Variants in LRRC1 observed in about 807,000 individuals in gnomAD.
The protein encoded by LRRC1 is leucine rich repeat containing 1, also known as leucine-rich repeat-containing protein 1.
Under a neutral mutation model 69.9 loss-of-function variants are expected in LRRC1, and 28 were observed. The ratio of observed to expected loss-of-function variants is 0.40; its 90% CI spans 0.30 to 0.55. The LOEUF is 0.55. LRRC1 is among the 20% of genes least tolerant of loss of function. The pLI is 0.47. For synonymous variants in LRRC1, 236 were observed against 240.2 expected (o/e 0.98, Z 0.16); for missense variants, 498 against 609.0 (o/e 0.82, Z 1.92).
At chr6:53,815,995 C>G (rs944357390) in intron 1 of LRRC1, among the ~76,000 whole-genome samples, 2 of 152,126 alleles carry the variant, frequency 1.3e-5, no homozygotes, top group Non-Finnish European at 2.9e-5. Context: ...TTCATCTCTG[C>G]TTTGTAACTT....
At chr6:53,798,617 GA>G (rs1764372702) in intron 1 of LRRC1, among the ~76,000 whole-genome samples, 2 of 152,192 alleles carry the variant, frequency 1.3e-5, no homozygotes, top group African/African-American at 4.8e-5. Flanking sequence ...CTGACCTCAT[GA>G]CCCACCCGCC....
chr6:53,805,721 T>C (rs1764618414), intron 1 of LRRC1, among the ~76,000 whole-genome samples: 1 of 152,230 alleles, frequency 6.6e-6, no homozygotes, highest in Admixed American at 6.5e-5. Context: ...GGAGATAGAA[T>C]GTACCCACTA....
rs114617063 is a variant in LRRC1 at position 53,915,959 on chromosome 6, G to T, written c.1106+1990G>T. Among the ~76,000 whole-genome samples the T allele has an allele frequency of 3.5e-3, 538 of 152,150 alleles. 3 individuals carry two copies. The highest frequency in any genetic ancestry group is 0.013 in the African/African-American group (520 of 41,516). ...ATCATTAAATACAATAGAAGCTTCCGCCTCTTCTTTCAAGTATATGAAAAT... is the reference window on the plus strand; with the variant it reads ...ATCATTAAATACAATAGAAGCTTCCTCCTCTTCTTTCAAGTATATGAAAAT... On this transcript the variant is annotated intron_variant, in intron 11 of 13. Transcript: ENST00000370888.
chr6:53,821,104 C>T (rs927136708), intron 1 of LRRC1, among the ~76,000 whole-genome samples: 3 of 152,144 alleles, frequency 2.0e-5, no homozygotes, highest in African/African-American at 7.2e-5. Context: ...TTATTTTTTT[C>T]CTTTCCTTTA....
chr6:53,872,116 A>G (rs770726225), intron 2 of LRRC1, among the ~76,000 whole-genome samples: 1 of 151,996 alleles, frequency 6.6e-6, no homozygotes, highest in Non-Finnish European at 1.5e-5. Flanking sequence ...TTTTGAGTCA[A>G]TTTTTATATA....
chr6:53,821,680 A>T (rs746491817), intron 1 of LRRC1, among the ~76,000 whole-genome samples: 3 of 151,932 alleles, frequency 2.0e-5, no homozygotes, highest in Non-Finnish European at 4.4e-5. Flanking sequence ...CTCTTAATAC[A>T]TTTTCTCTTG....
chr6:53,852,359 A>G (rs1464822106), intron 2 of LRRC1, among the ~76,000 whole-genome samples: 2 of 152,212 alleles, frequency 1.3e-5, no homozygotes, highest in African/African-American at 4.8e-5. Context: ...TCCAAGTAAG[A>G]ATACAGGGTG....
intron 13 of LRRC1, among the ~76,000 whole-genome samples, chr6:53,922,256 A>G (rs752166703): frequency 2.0e-5 from 3 of 152,110 alleles, no homozygotes; most frequent in Non-Finnish European, 2.9e-5. Flanking sequence ...AGTGACTTTA[A>G]TTTAGGATTT....
intron 1 of LRRC1, among the ~76,000 whole-genome samples, chr6:53,819,660 C>G (rs1263276907): frequency 2.0e-5 from 3 of 152,120 alleles, no homozygotes; most frequent in African/African-American, 7.2e-5. Flanking sequence ...TGCCGCCATC[C>G]TGTCCATTCA....
At position 53,840,884 on chromosome 6, in the gene LRRC1, T is replaced by G. The variant is rs9474666; in HGVS notation, c.160-1226T>G. On this transcript the variant is annotated intron_variant, in intron 1 of 13. Transcript: ENST00000370888. ...TCCTCTGGGGTGGGGGGGTATGTGT[T>G]TGTGTGTGTGTGTGTGTGTGTGTGT... Among the ~76,000 whole-genome samples, 44 of 125,294 alleles carry G rather than the reference T, an allele frequency of 3.5e-4. No individual in the cohort carries two copies. The South Asian group carries it at 6.0e-3, about 17-fold the overall frequency. 82.2% of individuals were successfully genotyped at this position (125,294 alleles called of 152,430 possible).
At chr6:53,807,163 C>T (rs1246812655) in intron 1 of LRRC1, among the ~76,000 whole-genome samples, 1 of 152,156 alleles carries the variant, frequency 6.6e-6, no homozygotes, top group African/African-American at 2.4e-5. Flanking sequence ...TCTCTAGTCT[C>T]CTCCTGAATA....
At position 53,858,847 on chromosome 6, in the gene LRRC1, A is replaced by G. The variant is rs551480313; in HGVS notation, c.277+16620A>G. ...GAAACTGGTAGATGACTGGCAGAGA[A>G]TAAATCAGAGATGATGGGTGTAGCA... is the stretch of plus-strand genomic sequence containing the variant. On this transcript the variant is annotated intron_variant, in intron 2 of 13. Coordinates refer to ENST00000370888, the MANE Select transcript of LRRC1 (RefSeq NM_018214.5). Among the ~76,000 whole-genome samples the G allele has an allele frequency of 4.6e-5, 7 of 152,338 alleles. No individual in the cohort carries two copies. The South Asian group carries it at 1.4e-3, about 32-fold the overall frequency.
intron 2 of LRRC1, among the ~76,000 whole-genome samples, chr6:53,863,714 C>G (rs1766603813): frequency 6.6e-6 from 1 of 152,102 alleles, no homozygotes; most frequent in South Asian, 2.1e-4. Context: ...ATACTCTACC[C>G]CATGTTCTCA....
intron 4 of LRRC1, among the ~76,000 whole-genome samples, chr6:53,894,616 T>G (rs930536051): frequency 1.4e-4 from 21 of 152,202 alleles, no homozygotes; most frequent in Admixed American, 1.2e-3. Flanking sequence ...TGAAAATAGC[T>G]GAGGGATTAC....
intron 10 of LRRC1, among the ~76,000 whole-genome samples, chr6:53,911,209 C>T (rs1768397787): frequency 6.6e-6 from 1 of 152,160 alleles, no homozygotes; most frequent in African/African-American, 2.4e-5. Flanking sequence ...AACAATAACA[C>T]ACAGTAGACA....
intron 4 of LRRC1, among the ~76,000 whole-genome samples, chr6:53,889,581 A>G (rs1215769450): frequency 6.6e-6 from 1 of 152,212 alleles, no homozygotes; most frequent in Admixed American, 6.5e-5. Flanking sequence ...TACAAAATGC[A>G]TGCTATAGTC....
intron 1 of LRRC1, among the ~76,000 whole-genome samples, chr6:53,832,873 C>T (rs1765469215): frequency 6.6e-6 from 1 of 152,142 alleles, no homozygotes; most frequent in Admixed American, 6.5e-5. Context: ...AGGACTTATA[C>T]TGTACATATA....
At position 53,795,291 on chromosome 6, in the gene LRRC1, G is replaced by T; in HGVS notation, c.35G>T (p.Arg12Leu). The change falls in exon 1 of 14, where the codon CGT (arginine) becomes CTT (leucine). Residue 12 changes from arginine to leucine, a missense_variant. Arg to Leu is a moderately radical substitution (Grantham distance 102, BLOSUM62 -2). Coordinates refer to ENST00000370888, the MANE Select transcript of LRRC1 (RefSeq NM_018214.5). ...FHCIPLWRCN[R>L]HVESIDKRHC... is the part of the protein sequence containing the mutation. ...TGCATCCCCCTGTGGCGGTGCAACC[G>T]TCATGTGGAGAGCATCGACAAGCGC... 2 of 1,612,588 alleles carry T rather than the reference G, an allele frequency of 1.2e-6. No homozygotes were observed. The highest frequency in any genetic ancestry group is 1.7e-6 in the Non-Finnish European group (2 of 1,179,814).
At chr6:53,865,371 A>G (rs992988979) in intron 2 of LRRC1, among the ~76,000 whole-genome samples, 2 of 152,098 alleles carry the variant, frequency 1.3e-5, no homozygotes, top group African/African-American at 4.8e-5. Context: ...CTCAAAACAC[A>G]AACGTAATTA....
Sources: gnomAD v4.1 joint callset for allele counts (sites outside exome capture counted in the v4.1 genomes callset) on GRCh38, gnomAD v4.1.1 for gene constraint, MANE v1.5 for transcripts, NCBI Gene and HGNC (gene_info 2026-07-23, HGNC 2026-07-21) for gene names.